The following INPPL1 variants were observed in gnomAD, a reference collection of about 807,000 sequenced individuals.
INPPL1 encodes the protein inositol polyphosphate phosphatase like 1, also known as phosphatidylinositol 3,4,5-trisphosphate 5-phosphatase 2.
INPPL1 carries 91 observed loss-of-function variants against 139.3 expected under a neutral mutation model. The ratio of observed to expected loss-of-function variants is 0.65; its 90% confidence interval spans 0.55 to 0.78. INPPL1 has a LOEUF of 0.78. Ranked by LOEUF, INPPL1 falls within the 30% of genes least tolerant of loss-of-function variation. The probability of loss-of-function intolerance (pLI) is 0.00; values close to 1 mark genes in which losing one functional copy is unlikely to be tolerated. For missense variants in INPPL1, 1,411 were observed against 1,665.6 expected (o/e 0.85, Z 2.66); for synonymous variants, 719 against 686.6 (o/e 1.05, Z -0.74).
At position 72,228,349 on chromosome 11, in the gene INPPL1, C is replaced by A; in HGVS notation, c.248C>A (p.Thr83Asn). ...CCTCCCACCCTTGCTGGCCCACAGA[C>A]CTCGCAGGGTGTGCCTGTGCGCCGC... Reference protein sequence around the residue: ...PDGEDFLAVQTSQGVPVRRFQ... With the variant: ...PDGEDFLAVQNSQGVPVRRFQ... Residue 83 changes from threonine (T) to asparagine (N), a missense_variant and splice_region_variant, in exon 3 of 28, where the codon ACC (threonine) becomes AAC (asparagine). Physicochemically the swap from Thr to Asn is moderately conservative, Grantham distance 65 (BLOSUM62 0). Around this residue, in one of 5 missense-constraint regions of INPPL1, gnomAD observed 504 missense variants for 595.6 expected, o/e 0.85. Transcript: ENST00000298229. This position sits in a 1 kb window ranked among gnomAD's most constrained non-coding sequence, Gnocchi z 5.0. 6.2e-7 allele frequency: 1 copy of A among 1,613,768 alleles called. No homozygotes were observed. Among genetic ancestry groups the A allele is most frequent in the Non-Finnish European group, 8.5e-7 (1 of 1,179,946 alleles).
chr11:72,227,880 G>A (rs1314482648), intron 1 of INPPL1: 1 of 440,162 alleles, frequency 2.3e-6, no homozygotes, highest in Non-Finnish European at 4.2e-6. Context: ...CAGAGGGGCT[G>A]TTTAGACAGC....
chr11:72,234,699 G>A lies in INPPL1; in HGVS notation c.2415+84G>A. ...AGTTTATTGGAGAGCCTGCCTGGGA[G>A]GGAGTGTGGGGCCAGCAGAGAGAGA... On this transcript the variant is annotated intron_variant, in intron 21 of 27. Coordinates refer to ENST00000298229, the MANE Select transcript of INPPL1 (RefSeq NM_001567.4). This position sits in a 1 kb window ranked among gnomAD's most constrained non-coding sequence, Gnocchi z 4.2. The A allele has an allele frequency of 1.1e-6, 1 of 903,428 alleles. No individual in the cohort carries two copies. The highest frequency in any genetic ancestry group is 1.8e-6 in the Non-Finnish European group (1 of 559,328). The allele number at this position is 903,428 out of a possible 1,614,324, so 56.0% of individuals were successfully genotyped here. A position where few individuals can be genotyped will look rare whatever the true frequency, so the allele number is the denominator to read the frequency against.
In INPPL1 at chr11:72,234,662, G is replaced by C. The variant is rs1948930836; in HGVS notation, c.2415+47G>C. 7.1e-7 allele frequency: 1 copy of C among 1,402,664 alleles called. No homozygotes were observed. 86.9% of individuals were successfully genotyped at this position (1,402,664 alleles called of 1,614,324 possible). ...CTGCTTATGGGTGAGGGCACAGAGA[G>C]GGGTACATAAGAGTTTATTGGAGAG... On this transcript the variant is annotated intron_variant, in intron 21 of 27. Transcript: ENST00000298229. The surrounding 1 kb of genome is among the most constrained non-coding windows in gnomAD (Gnocchi z 4.2).
At chr11:72,223,659 C>T (rs4329713), upstream of INPPL1, 24,697 of 152,044 alleles carry the variant, frequency 0.16, 2,261 homozygotes, top group South Asian at 0.28. Flanking sequence ...CGGTGCCGAG[C>T]GCGGTACGAG....
Position 72,231,539 on chromosome 11 carries a change from G to C in INPPL1, c.1539G>C (p.Leu513=), listed in dbSNP as rs756301475. The change falls in exon 13 of 28, where the codon CTG becomes CTC. Residue 513 remains leucine (L), a synonymous_variant. Coordinates refer to ENST00000298229, the MANE Select transcript of INPPL1 (RefSeq NM_001567.4). ...QSLWNIKVAV[L]VKPEHENRIS... is the part of the protein sequence containing the mutation. Reference sequence around the variant, plus strand: ...TGTGGAATATCAAGGTGGCAGTGCTGGTCAAGCCAGAGCACGAGAACCGTA... The same window carrying C: ...TGTGGAATATCAAGGTGGCAGTGCTCGTCAAGCCAGAGCACGAGAACCGTA... 6.2e-7 allele frequency: 1 copy of C among 1,613,976 alleles called. No homozygotes were observed. Among genetic ancestry groups the C allele is most frequent in the South Asian group, 1.1e-5 (1 of 91,070 alleles).
chr11:72,228,174 C>T lies in INPPL1; in HGVS notation c.183-16C>T, dbSNP rs745960775. 4 of 1,614,026 alleles carry T rather than the reference C, an allele frequency of 2.5e-6. No homozygotes were observed. The East Asian group carries it at 8.9e-5, about 36-fold the overall frequency. ...CAGCCTGGGGGTGACAGATTCTGGC[C>T]CTGCCTTGGCATCAGGTATCAGAAG... On this transcript the variant is annotated splice_polypyrimidine_tract_variant and intron_variant, in intron 1 of 27. Transcript: ENST00000298229. This position sits in a 1 kb window ranked among gnomAD's most constrained non-coding sequence, Gnocchi z 5.0.
chr11:72,228,563 C>T lies in INPPL1; in HGVS notation c.397+65C>T. 2.5e-6 allele frequency: 4 copies of T among 1,569,288 alleles called. No individual in the cohort carries two copies. The highest frequency in any genetic ancestry group is 3.5e-6 in the Non-Finnish European group (4 of 1,155,714). ...CTTGGCTCTACCTGCCTCTTCCCAT[C>T]CCCCCTTCTCAACCCCACCTCTCCT... is the stretch of plus-strand genomic sequence containing the variant. On this transcript the variant is annotated intron_variant, in intron 3 of 27. Transcript: ENST00000298229. This position sits in a 1 kb window ranked among gnomAD's most constrained non-coding sequence, Gnocchi z 5.0.
In INPPL1 at chr11:72,225,110, C is replaced by T. The variant is rs1187553056; in HGVS notation, c.126C>T (p.Gly42=). 2.4e-6 allele frequency: 3 copies of T among 1,232,840 alleles called. No individual in the cohort carries two copies. The highest frequency in any genetic ancestry group is 3.0e-4 in the Middle Eastern group (1 of 3,294). 76.4% of individuals were successfully genotyped at this position (1,232,840 alleles called of 1,614,324 possible). ...EELLARAGRD[G]SFLVRDSESV... ...TGCTGGCCCGGGCGGGCCGCGATGG[C>T]AGCTTCCTGGTCCGAGACAGCGAGA... The change falls in exon 1 of 28, where the codon GGC becomes GGT. Residue 42 remains glycine (G), a synonymous_variant. Coordinates refer to ENST00000298229, the MANE Select transcript of INPPL1 (RefSeq NM_001567.4).
chr11:72,231,609 A>G lies in INPPL1; in HGVS notation c.1609A>G (p.Thr537Ala). 2 of 1,610,764 alleles carry G rather than the reference A, an allele frequency of 1.2e-6. No individual in the cohort carries two copies. The highest frequency in any genetic ancestry group is 1.8e-4 in the Middle Eastern group (1 of 5,478). The change falls in exon 13 of 28, where the codon ACC (threonine) becomes GCC (alanine). Residue 537 changes from threonine (T) to alanine (A), a missense_variant. Physicochemically the swap from Thr to Ala is moderately conservative, Grantham distance 58. Transcript: ENST00000298229. ...CAGTGTGAAGACTGGCATCGCCAAC[A>G]CCCTGGGTAAGTGGGGCTGGCAGGT... ...TSSVKTGIAN[T>A]LGNKGAVGVS...
In INPPL1 at chr11:72,229,674, G is replaced by C. The variant is rs1273228309; in HGVS notation, c.765G>C (p.Gln255His). The C allele has an allele frequency of 9.9e-6, 16 of 1,613,964 alleles. No individual in the cohort carries two copies. Among genetic ancestry groups the C allele is most frequent in the Middle Eastern group, 1.6e-4 (1 of 6,084 alleles). Residue 255 changes from glutamine (Q) to histidine (H), a missense_variant, in exon 7 of 28, where the codon CAG becomes CAC. Physicochemically the swap from Gln to His is conservative, Grantham distance 24. This residue lies in a region of INPPL1 where 504 missense variants were observed against 595.6 expected (regional missense o/e 0.85). Coordinates refer to ENST00000298229, the MANE Select transcript of INPPL1 (RefSeq NM_001567.4). Reference protein sequence around the residue: ...TRLLQQQNLPQTGEQELESLV... With the variant: ...TRLLQQQNLPHTGEQELESLV... ...CTTCCTCCCCCCAGAACCTGCCACAGACAGGGGAGCAGGAACTAGAGAGCC... is the reference window on the plus strand; with the variant it reads ...CTTCCTCCCCCCAGAACCTGCCACACACAGGGGAGCAGGAACTAGAGAGCC...
chr11:72,231,182 A>G lies in INPPL1; in HGVS notation c.1490A>G (p.Tyr497Cys). Residue 497 changes from tyrosine to cysteine, a missense_variant, in exon 12 of 28, where the codon TAC becomes TGC. Tyr to Cys is a radical substitution (Grantham distance 194). Transcript: ENST00000298229. ...CTCAAGGAGCTTACGGATCTGGATTACCGCCCGGTGAGGGGGGGTCATCTT... is the reference window on the plus strand; with the variant it reads ...CTCAAGGAGCTTACGGATCTGGATTGCCGCCCGGTGAGGGGGGGTCATCTT... ...GGLKELTDLD[Y>C]RPIAMQSLWN... The G allele has an allele frequency of 6.2e-7, 1 of 1,611,220 alleles. No individual in the cohort carries two copies. The highest frequency in any genetic ancestry group is 8.5e-7 in the Non-Finnish European group (1 of 1,179,412).
rs1948741021 is a variant in INPPL1 at position 72,228,553 on chromosome 11, C to T, written c.397+55C>T. The T allele has an allele frequency of 1.9e-6, 3 of 1,585,818 alleles. No homozygotes were observed. In the East Asian group the frequency reaches 6.7e-5, roughly 35 times the overall value. On this transcript the variant is annotated intron_variant, in intron 3 of 27. Transcript: ENST00000298229. The surrounding 1 kb of genome is among the most constrained non-coding windows in gnomAD (Gnocchi z 5.0). ...GCCCCTGTCCCTTGGCTCTACCTGC[C>T]TCTTCCCATCCCCCCTTCTCAACCC...
At chr11:72,230,592 T>C in intron 10 of INPPL1, 124 bp downstream of exon 10, 1 of 991,400 alleles carries the variant, frequency 1.0e-6, no homozygotes, top group Non-Finnish European at 1.5e-6. Context: ...CAGGGGTAGG[T>C]CTGACAGGGT....
chr11:72,229,879 C>G, intron 7 of INPPL1, 45 bp from the exon 8 acceptor site: 1 of 1,590,716 alleles, frequency 6.3e-7, no homozygotes, highest in East Asian at 2.2e-5. Context: ...CCTGCCCCAG[C>G]CTTCAGTGTG....
At position 72,228,340 on chromosome 11, in the gene INPPL1, G is replaced by C; in HGVS notation, c.247-8G>C. 1.2e-6 allele frequency: 2 copies of C among 1,613,782 alleles called. No homozygotes were observed. Among genetic ancestry groups the C allele is most frequent in the South Asian group, 2.2e-5 (2 of 91,086 alleles). On this transcript the variant is annotated splice_polypyrimidine_tract_variant and splice_region_variant and intron_variant, in intron 2 of 27. Transcript: ENST00000298229. The surrounding 1 kb of genome is among the most constrained non-coding windows in gnomAD (Gnocchi z 5.0). The stretch of plus-strand genomic sequence containing the variant: ...CTGACCCTTCCTCCCACCCTTGCTG[G>C]CCCACAGACCTCGCAGGGTGTGCCT...
intron 1 of INPPL1, chr11:72,225,499 A>G (rs1368685197): frequency 7.1e-6 from 7 of 985,284 alleles, no homozygotes; most frequent in African/African-American, 1.7e-5. Context: ...GAGGATGTGC[A>G]TTCCACGTTG....
chr11:72,229,565 T>C lies in INPPL1; in HGVS notation c.753+7T>C. 1 of 1,613,840 alleles carries C rather than the reference T, an allele frequency of 6.2e-7. No homozygotes were observed. The highest frequency in any genetic ancestry group is 8.5e-7 in the Non-Finnish European group (1 of 1,179,852). ...CCGCCTTTTGCAGCAGCAGGTAGAT[T>C]GTAGGGAGACCTCTGGGAGGTGCGT... On this transcript the variant is annotated splice_region_variant and intron_variant, in intron 6 of 27. Coordinates refer to ENST00000298229, the MANE Select transcript of INPPL1 (RefSeq NM_001567.4).
chr11:72,226,627 G>A (rs994956904), intron 1 of INPPL1, among the ~76,000 whole-genome samples: 18 of 152,310 alleles, frequency 1.2e-4, no homozygotes, highest in African/African-American at 3.1e-4. Context: ...TGGTATGGAG[G>A]TTGAAAAACT....
intron 25 of INPPL1, among the ~76,000 whole-genome samples, chr11:72,236,531 A>C (rs531493223): frequency 1.2e-3 from 185 of 152,280 alleles, no homozygotes; most frequent in Non-Finnish European, 1.7e-3. Context: ...CAGGAAACTT[A>C]TTTTCCATGT....
Sources: gnomAD v4.1 joint callset for allele counts (sites outside exome capture counted in the v4.1 genomes callset) on GRCh38, gnomAD v4.1.1 for gene constraint, gnomAD v4.1.1 regional missense constraint, Gnocchi (gnomAD v3.1) non-coding constraint, MANE v1.5 for transcripts, NCBI Gene and HGNC (gene_info 2026-07-23, HGNC 2026-07-21) for gene names.